Variants in WFDC8 observed in about 807,000 individuals in gnomAD.
WFDC8 encodes WAP four-disulfide core domain protein 8.
WFDC8 carries 24 observed loss-of-function variants against 27.0 expected under a neutral mutation model. That is an observed-to-expected ratio of 0.89 (90% CI 0.64 to 1.25). The LOEUF (loss-of-function observed/expected upper bound fraction) is 1.25. WFDC8 is among the 50% of genes most tolerant of loss of function. The pLI, the probability that WFDC8 is intolerant of heterozygous loss-of-function variation, is 0.00. For missense variants in WFDC8, 287 were observed against 295.9 expected, an observed-to-expected ratio of 0.97 and a Z score of 0.22; for synonymous variants, 106 against 99.7, an observed-to-expected ratio of 1.06 and a Z score of -0.38.
intron 1 of WFDC8, among the ~76,000 whole-genome samples, chr20:45,572,573 G>T (rs1980907928): frequency 6.6e-6 from 1 of 151,866 alleles, no homozygotes; most frequent in South Asian, 2.1e-4. Flanking sequence ...AAACCTATTG[G>T]CTATTTGAAT....
At chr20:45,573,027 A>C (rs989867829) in intron 1 of WFDC8, among the ~76,000 whole-genome samples, 2 of 152,218 alleles carry the variant, frequency 1.3e-5, no homozygotes, top group Admixed American at 6.5e-5. Context: ...ACCCCTCATC[A>C]TAGTATGGTT....
At position 45,555,689 on chromosome 20, in the gene WFDC8, T is replaced by C. The variant is rs6032306; in HGVS notation, c.445+12A>G. 8,148 of 1,612,082 alleles carry C rather than the reference T, an allele frequency of 5.1e-3. 275 individuals carry two copies. In the East Asian group the frequency reaches 0.064, roughly 13 times the overall value. On this transcript the variant is annotated intron_variant, in intron 4 of 5. Transcript: ENST00000289953. ...AAACTAGACCCTCAGATTTCCAGGA[T>C]AGAGGTCTCACCAATTAACATGCAG...
chr20:45,571,379 T>C lies in WFDC8; in HGVS notation c.26+7843A>G, dbSNP rs140478256. On this transcript the variant is annotated intron_variant, in intron 1 of 5. Coordinates refer to ENST00000289953, the MANE Select transcript of WFDC8 (RefSeq NM_130896.3). ...TTAATTGACTAATAATAATTATTTA[T>C]ATTTATGTGCTACAATTTAATGTTT... Among the ~76,000 whole-genome samples the C allele has an allele frequency of 2.5e-3, 379 of 152,318 alleles. 2 individuals are homozygous for C. Among genetic ancestry groups the C allele is most frequent in the African/African-American group, 8.8e-3 (366 of 41,568 alleles).
rs1238980320 is a variant in WFDC8 at position 45,551,858 on chromosome 20, TATATC to T, written c.*163_*167del. ...GTCATGAAGTTGAAAAAAAGCCAAA[TATATC>T]ATCACTTTCAGATGATGGGATTATA... On this transcript the variant is annotated 3_prime_UTR_variant, in exon 6 of 6. Transcript: ENST00000289953. 30 of 844,474 alleles carry T rather than the reference TATATC, an allele frequency of 3.6e-5. No homozygotes were observed. The Admixed American group carries it at 8.8e-4, about 25-fold the overall frequency. The allele number at this position is 844,474 out of a possible 1,614,324, so 52.3% of individuals were successfully genotyped here. A position where few individuals can be genotyped will look rare whatever the true frequency, so the allele number is the denominator to read the frequency against.
chr20:45,567,312 A>C (rs1980713569), intron 1 of WFDC8, among the ~76,000 whole-genome samples: 1 of 152,336 alleles, frequency 6.6e-6, no homozygotes, highest in South Asian at 2.1e-4. Context: ...CAAAATACAC[A>C]CACTCAAATA....
intron 1 of WFDC8, among the ~76,000 whole-genome samples, chr20:45,569,635 T>C (rs759140133): frequency 1.3e-5 from 2 of 152,316 alleles, no homozygotes; most frequent in Middle Eastern, 3.4e-3. Context: ...AAAATTTAAG[T>C]CTTTAATCCA....
chr20:45,562,285 G>A (rs1308934054), intron 1 of WFDC8, 66 bp from the exon 2 acceptor site: 1 of 1,364,488 alleles, frequency 7.3e-7, no homozygotes, highest in African/African-American at 1.4e-5. Flanking sequence ...GTGTGTGCAG[G>A]GGAACCTTAG....
intron 1 of WFDC8, among the ~76,000 whole-genome samples, chr20:45,570,485 G>C (rs1024303729): frequency 5.9e-5 from 9 of 152,104 alleles, no homozygotes; most frequent in African/African-American, 2.2e-4. Flanking sequence ...CATTTATGTT[G>C]TGTGTTGTTT....
At position 45,560,392 on chromosome 20, in the gene WFDC8, G is replaced by A. The variant is rs138580062; in HGVS notation, c.137-1400C>T. ...TTTCAATCTTGGCCTGGTAAGACCC[G>A]GAGCAAAGAACCCAGATGCACAATG... On this transcript the variant is annotated intron_variant, in intron 2 of 5. Coordinates refer to ENST00000289953, the MANE Select transcript of WFDC8 (RefSeq NM_130896.3). 3.3e-3 allele frequency among the ~76,000 whole-genome samples: 499 copies of A among 152,274 alleles called. 3 individuals are homozygous for A. Among genetic ancestry groups the A allele is most frequent in the African/African-American group, 0.011 (471 of 41,554 alleles).
In WFDC8 at chr20:45,557,723, G is replaced by A. The variant is rs145506105; in HGVS notation, c.277+1129C>T. Reference sequence around the variant, plus strand: ...GCTGGGATTACAGGTGTGAGCCACCGTGCCCAGCCAATAAAGATGTGTTTA... The same window carrying A: ...GCTGGGATTACAGGTGTGAGCCACCATGCCCAGCCAATAAAGATGTGTTTA... On this transcript the variant is annotated intron_variant, in intron 3 of 5. Coordinates refer to ENST00000289953, the MANE Select transcript of WFDC8 (RefSeq NM_130896.3). 3.0e-3 allele frequency among the ~76,000 whole-genome samples: 455 copies of A among 152,198 alleles called. 9 individuals carry two copies. In the East Asian group the frequency reaches 0.039, roughly 13 times the overall value.
chr20:45,554,842 C>T (rs1980180360), intron 4 of WFDC8, among the ~76,000 whole-genome samples: 1 of 152,214 alleles, frequency 6.6e-6, no homozygotes, highest in South Asian at 2.1e-4. Context: ...AGGCAACTAA[C>T]TTCACCTCTC....
chr20:45,577,865 G>C (rs1436210746), intron 1 of WFDC8, among the ~76,000 whole-genome samples: 1 of 149,224 alleles, frequency 6.7e-6, no homozygotes, highest in Non-Finnish European at 1.5e-5. Flanking sequence ...AAATTAGCCT[G>C]GAGTGGTGGT....
Position 45,551,972 on chromosome 20 carries a change from T to C in WFDC8, c.*54A>G. On this transcript the variant is annotated 3_prime_UTR_variant, in exon 6 of 6. Coordinates refer to ENST00000289953, the MANE Select transcript of WFDC8 (RefSeq NM_130896.3). ...GATACAAGACAAAACTGACAGCTCT[T>C]TATCATGCTACTCATAATTAATGAT... is the stretch of plus-strand genomic sequence containing the variant. 6.3e-7 allele frequency: 1 copy of C among 1,595,848 alleles called. No individual in the cohort carries two copies. Among genetic ancestry groups the C allele is most frequent in the African/African-American group, 1.3e-5 (1 of 74,554 alleles).
At chr20:45,567,140 CA>C (rs745898015) in intron 1 of WFDC8, among the ~76,000 whole-genome samples, 1 of 149,570 alleles carries the variant, frequency 6.7e-6, no homozygotes, top group Non-Finnish European at 1.5e-5. Context: ...CTGTAAATGC[CA>C]AAAAAAAATC....
chr20:45,554,191 G>T (rs533899276), intron 4 of WFDC8, among the ~76,000 whole-genome samples: 14 of 151,426 alleles, frequency 9.2e-5, no homozygotes, highest in South Asian at 2.1e-4. Context: ...TTTGTTTTTG[G>T]TTTTGTTGTT....
At position 45,558,959 on chromosome 20, in the gene WFDC8, G is replaced by T. The variant is rs1262820426; in HGVS notation, c.170C>A (p.Thr57Asn). ...KPGLCPKERL[T>N]CTTELPDSCN... ...TGAGTCCGGAAGTTCAGTGGTACAG[G>T]TGAGCCTCTCTTTGGGACATAACCC... The change falls in exon 3 of 6, where the codon ACC (threonine) becomes AAC (asparagine). Residue 57 changes from threonine (T) to asparagine (N), a missense_variant. Physicochemically the swap from Thr to Asn is moderately conservative, Grantham distance 65 (BLOSUM62 0). Coordinates refer to ENST00000289953, the MANE Select transcript of WFDC8 (RefSeq NM_130896.3). The T allele has an allele frequency of 1.2e-6, 2 of 1,614,174 alleles. No individual in the cohort carries two copies. Among genetic ancestry groups the T allele is most frequent in the Admixed American group, 3.3e-5 (2 of 60,024 alleles).
intron 1 of WFDC8, among the ~76,000 whole-genome samples, chr20:45,562,981 T>C (rs569179624): frequency 6.6e-6 from 1 of 152,280 alleles, no homozygotes; most frequent in South Asian, 2.1e-4. Flanking sequence ...GAAAACATCT[T>C]TATGCCAAAA....
intron 1 of WFDC8, among the ~76,000 whole-genome samples, chr20:45,564,965 G>GAAGGAAGGAAAGAAAGAAAGAA (rs1175224764): frequency 1.6e-5 from 1 of 63,652 alleles, no homozygotes; most frequent in East Asian, 2.2e-4. Flanking sequence ...AGGAAGGAAG[G>GAAGGAAGGAAAGAAAGAAAGAA]AAAGAAAGAC....
At chr20:45,574,986 T>A (rs967047633) in intron 1 of WFDC8, among the ~76,000 whole-genome samples, 1 of 152,090 alleles carries the variant, frequency 6.6e-6, no homozygotes, top group African/African-American at 2.4e-5. Context: ...ATTTTTATGA[T>A]AAAAAATCTC....
Sources: gnomAD v4.1 joint callset for allele counts (sites outside exome capture counted in the v4.1 genomes callset) on GRCh38, gnomAD v4.1.1 for gene constraint, MANE v1.5 for transcripts, NCBI Gene and HGNC (gene_info 2026-07-23, HGNC 2026-07-21) for gene names.